Variants in GALNT2 observed in about 807,000 individuals in gnomAD.
GALNT2 encodes the protein UDP-GalNAc:polypeptide N-acetylgalactosaminyltransferase 2.
In GALNT2, 31 loss-of-function variants were observed where a neutral mutation model predicts 81.4. The observed-to-expected ratio is 0.38, with a 90% CI of 0.29 to 0.51. The LOEUF is 0.51. Ranked by LOEUF, GALNT2 falls within the 20% of genes least tolerant of loss-of-function variation. The probability of loss-of-function intolerance (pLI) is 0.87; values close to 1 mark genes in which losing one functional copy is unlikely to be tolerated. For missense variants in GALNT2, 629 were observed against 765.7 expected, an observed-to-expected ratio of 0.82 and a Z score of 2.11; for synonymous variants, 303 against 287.4, an observed-to-expected ratio of 1.05 and a Z score of -0.55.
rs1666272721 is a variant in GALNT2 at position 230,275,483 on chromosome 1, A to T, written c.1560+919A>T. On this transcript the variant is annotated intron_variant, in intron 15 of 15. Coordinates refer to ENST00000366672, the MANE Select transcript of GALNT2 (RefSeq NM_004481.5). The surrounding 1 kb of genome is among the most constrained non-coding windows in gnomAD (Gnocchi z 5.5). Reference sequence around the variant, plus strand: ...ACATATATACAAACACCACATATATATACATATACACACACACACCACAGA... The same window carrying T: ...ACATATATACAAACACCACATATATTTACATATACACACACACACCACAGA... Among the ~76,000 whole-genome samples, 1 of 151,704 alleles carries T rather than the reference A, an allele frequency of 6.6e-6. No individual in the cohort carries two copies. Among genetic ancestry groups the T allele is most frequent in the Non-Finnish European group, 1.5e-5 (1 of 67,830 alleles).
intron 1 of GALNT2, among the ~76,000 whole-genome samples, chr1:230,166,561 A>C (rs1662610620): frequency 6.6e-6 from 1 of 152,238 alleles, no homozygotes; most frequent in Admixed American, 6.5e-5. Context: ...TGGCAGCAGG[A>C]CAGTGGACTC....
intron 3 of GALNT2, among the ~76,000 whole-genome samples, chr1:230,220,712 C>G (rs182578113): frequency 8.5e-5 from 13 of 152,256 alleles, no homozygotes; most frequent in Admixed American, 7.2e-4. Flanking sequence ...TGCCATCAAA[C>G]GAAGGTACTT....
intron 1 of GALNT2, among the ~76,000 whole-genome samples, chr1:230,071,158 C>T (rs1050055192): frequency 1.8e-4 from 28 of 152,330 alleles, no homozygotes; most frequent in African/African-American, 5.8e-4. Flanking sequence ...CTTAAGTTCA[C>T]GGTATTCCTG....
rs78823337 is a variant in GALNT2, at chr1:230,136,275, G to T, written c.127-41943G>T. Among the ~76,000 whole-genome samples, 29 of 152,134 alleles carry T rather than the reference G, an allele frequency of 1.9e-4. No individual in the cohort carries two copies. In the East Asian group the frequency reaches 4.9e-3, roughly 25 times the overall value. ...GTTTTAGTGCCACGTTGATTGGGTCGCGCCTGATCATTTGCTTCTGGTCTG... is the reference window on the plus strand; with the variant it reads ...GTTTTAGTGCCACGTTGATTGGGTCTCGCCTGATCATTTGCTTCTGGTCTG... On this transcript the variant is annotated intron_variant, in intron 1 of 15. Coordinates refer to ENST00000366672, the MANE Select transcript of GALNT2 (RefSeq NM_004481.5).
chr1:230,156,185 GT>G (rs1439910254), intron 1 of GALNT2, among the ~76,000 whole-genome samples: 3 of 151,222 alleles, frequency 2.0e-5, no homozygotes, highest in African/African-American at 7.3e-5. Context: ...AGACGGTGCG[GT>G]TTTGGGATGG....
intron 6 of GALNT2, among the ~76,000 whole-genome samples, chr1:230,238,958 G>T (rs1272207614): frequency 6.6e-6 from 1 of 151,988 alleles, no homozygotes; most frequent in Non-Finnish European, 1.5e-5. Flanking sequence ...TAGCCAGTCT[G>T]GACCAAGAAT....
intron 14 of GALNT2, among the ~76,000 whole-genome samples, chr1:230,269,391 G>A (rs1296751677): frequency 5.3e-5 from 8 of 152,032 alleles, no homozygotes; most frequent in Admixed American, 5.2e-4. Flanking sequence ...CCACTATGTT[G>A]GCCAGGCTGG....
At chr1:230,095,725 C>T (rs1483221206) in intron 1 of GALNT2, among the ~76,000 whole-genome samples, 1 of 152,218 alleles carries the variant, frequency 6.6e-6, no homozygotes, top group Non-Finnish European at 1.5e-5. Flanking sequence ...GTGGATGTGA[C>T]ACTGGGCGTG....
rs375416998 is a variant in GALNT2, at chr1:230,278,479, GC to G, written c.1561-823del. 3.5e-4 allele frequency among the ~76,000 whole-genome samples: 53 copies of G among 152,182 alleles called. No homozygotes were observed. The East Asian group carries it at 5.8e-3, about 17-fold the overall frequency. On this transcript the variant is annotated intron_variant, in intron 15 of 15. Transcript: ENST00000366672. ...ACAGGGCTCCTCAGATTTCCTTCAG[GC>G]TGGGTTGTGCACTTTGATTCTGGCT...
chr1:230,144,358 T>G (rs1006973375), intron 1 of GALNT2, among the ~76,000 whole-genome samples: 6 of 152,160 alleles, frequency 3.9e-5, no homozygotes, highest in Non-Finnish European at 8.8e-5. Flanking sequence ...CAAGAAAGAC[T>G]ACTACACTCG....
At chr1:230,195,292 A>G (rs1663655573) in intron 2 of GALNT2, among the ~76,000 whole-genome samples, 1 of 152,090 alleles carries the variant, frequency 6.6e-6, no homozygotes, top group Non-Finnish European at 1.5e-5. Flanking sequence ...AGATGTGGTT[A>G]AACTTGAGCT....
intron 2 of GALNT2, among the ~76,000 whole-genome samples, chr1:230,183,948 G>T (rs1231820210): frequency 6.6e-6 from 1 of 151,786 alleles, no homozygotes; most frequent in Non-Finnish European, 1.5e-5. Flanking sequence ...ACTATTCTGA[G>T]CCTGGGTGAC....
chr1:230,128,712 G>A (rs1368179460), intron 1 of GALNT2, among the ~76,000 whole-genome samples: 1 of 152,158 alleles, frequency 6.6e-6, no homozygotes. Flanking sequence ...TGTTGGCTGG[G>A]AGGCATCTGT....
intron 7 of GALNT2, 55 bp from the exon 8 acceptor site, chr1:230,246,008 G>C: frequency 7.0e-7 from 1 of 1,432,422 alleles, no homozygotes; most frequent in Non-Finnish European, 9.9e-7. Context: ...CTGTGGTTGG[G>C]CAGGTTTTTT....
intron 1 of GALNT2, among the ~76,000 whole-genome samples, chr1:230,102,317 A>G (rs1660426258): frequency 1.3e-5 from 2 of 152,148 alleles, no homozygotes; most frequent in African/African-American, 4.8e-5. Context: ...CCTAATGTAC[A>G]GTTTTTCATT....
At chr1:230,266,117 C>G (rs1212221602) in intron 14 of GALNT2, among the ~76,000 whole-genome samples, 2 of 152,252 alleles carry the variant, frequency 1.3e-5, no homozygotes, top group African/African-American at 4.8e-5. Flanking sequence ...TTGCCTGAAC[C>G]CGGGAGGCAG....
intron 1 of GALNT2, among the ~76,000 whole-genome samples, chr1:230,099,215 C>T (rs1660333838): frequency 6.6e-6 from 1 of 152,208 alleles, no homozygotes; most frequent in Admixed American, 6.5e-5. Flanking sequence ...CATGGCCTTG[C>T]CCAGGTTTGC....
intron 1 of GALNT2, among the ~76,000 whole-genome samples, chr1:230,169,863 C>G (rs1420821255): frequency 6.6e-6 from 1 of 152,160 alleles, no homozygotes; most frequent in Admixed American, 6.5e-5. Flanking sequence ...GAAATTTGCC[C>G]TCCTCTCATT....
At position 230,279,473 on chromosome 1, in the gene GALNT2, C is replaced by T. The variant is rs369193562; in HGVS notation, c.*15C>T. 3.5e-5 allele frequency: 56 copies of T among 1,611,290 alleles called. No homozygotes were observed. The highest frequency in any genetic ancestry group is 4.2e-5 in the Non-Finnish European group (50 of 1,178,492). On this transcript the variant is annotated 3_prime_UTR_variant, in exon 16 of 16. Transcript: ENST00000366672. This position sits in a 1 kb window ranked among gnomAD's most constrained non-coding sequence, Gnocchi z 4.6. The stretch of plus-strand genomic sequence containing the variant: ...TGCAGCAGTAGGAGGGTCCGGGAGG[C>T]CCTGCCGTCCTGTCTCCTGCACCAT...
Sources: gnomAD v4.1 joint callset for allele counts (sites outside exome capture counted in the v4.1 genomes callset) on GRCh38, gnomAD v4.1.1 for gene constraint, Gnocchi (gnomAD v3.1) non-coding constraint, MANE v1.5 for transcripts, NCBI Gene and HGNC (gene_info 2026-07-23, HGNC 2026-07-21) for gene names.